Variants in FMNL2 observed in about 807,000 individuals in gnomAD.
FMNL2 encodes the protein formin like 2.
FMNL2 carries 51 observed loss-of-function variants against 130.2 expected under a neutral mutation model. The observed-to-expected ratio is 0.39, with a 90% CI of 0.31 to 0.49. The LOEUF (loss-of-function observed/expected upper bound fraction) is 0.49. FMNL2 is among the 20% of genes least tolerant of loss of function. The pLI, the probability that FMNL2 is intolerant of heterozygous loss-of-function variation, is 0.85. For synonymous variants in FMNL2, 465 were observed against 467.1 expected (o/e 1.00, Z 0.06); for missense variants, 977 against 1,316.2 (o/e 0.74, Z 3.99).
chr2:152,370,403 A>G (rs1683809432), intron 1 of FMNL2, among the ~76,000 whole-genome samples: 1 of 152,190 alleles, frequency 6.6e-6, no homozygotes, highest in African/African-American at 2.4e-5. Context: ...TTTTAATACC[A>G]TCAAGTTGGG....
intron 9 of FMNL2, among the ~76,000 whole-genome samples, chr2:152,591,024 T>G (rs57161775): frequency 0.42 from 39,386 of 94,620 alleles, 8,909 homozygotes; most frequent in Non-Finnish European, 0.5. Context: ...TTTTTTTTTT[T>G]GAGACAGCAT....
chr2:152,389,921 T>C, intron 1 of FMNL2: 1 of 1,049,636 alleles, frequency 9.5e-7, no homozygotes, highest in Non-Finnish European at 1.5e-6. Context: ...GTGGAGCGGG[T>C]GGCCGGGCTG....
rs1553482701 is a variant in FMNL2, at chr2:152,589,987, A to ATGTATATGTATATGTATATG, written c.876+8939_876+8940insGTATATGTATATGTATATGT. The stretch of plus-strand genomic sequence containing the variant: ...TATATATATATATATATATATATGT[A>ATGTATATGTATATGTATATG]TATGTATATGTATATATATATACAT... On this transcript the variant is annotated intron_variant, in intron 9 of 25. Coordinates refer to ENST00000288670, the MANE Select transcript of FMNL2 (RefSeq NM_052905.4). Among the ~76,000 whole-genome samples the ATGTATATGTATATGTATATG allele has an allele frequency of 5.1e-3, 282 of 55,072 alleles. 4 individuals carry two copies. The highest frequency in any genetic ancestry group is 7.6e-3 in the East Asian group (11 of 1,450). The allele number at this position is 55,072 out of a possible 152,430, so 36.1% of individuals were successfully genotyped here.
At chr2:152,485,308 T>C (rs981623681) in intron 1 of FMNL2, among the ~76,000 whole-genome samples, 1 of 152,126 alleles carries the variant, frequency 6.6e-6, no homozygotes, top group African/African-American at 2.4e-5. Context: ...CTGGCCAACA[T>C]GATGAAACCC....
chr2:152,629,322 G>A (rs1682009993), intron 18 of FMNL2, among the ~76,000 whole-genome samples: 1 of 152,210 alleles, frequency 6.6e-6, no homozygotes, highest in Non-Finnish European at 1.5e-5. Flanking sequence ...ATTAGAGGTG[G>A]TAGGCAGGAA....
chr2:152,534,757 T>C (rs2105459735), intron 2 of FMNL2, among the ~76,000 whole-genome samples: 1 of 152,138 alleles, frequency 6.6e-6, no homozygotes, highest in African/African-American at 2.4e-5. Context: ...TATTAGAAAA[T>C]GAGTTATAGG....
At chr2:152,559,427 C>T (rs1695405019) in intron 5 of FMNL2, among the ~76,000 whole-genome samples, 2 of 152,144 alleles carry the variant, frequency 1.3e-5, no homozygotes, top group African/African-American at 2.4e-5. Flanking sequence ...CCTCAGCCTC[C>T]TGAGAAGCTG....
intron 1 of FMNL2, among the ~76,000 whole-genome samples, chr2:152,439,598 A>G (rs938051213): frequency 4.6e-5 from 7 of 151,992 alleles, no homozygotes; most frequent in African/African-American, 1.4e-4. Context: ...TCTATCTTGC[A>G]GATTGTTCTT....
intron 1 of FMNL2, among the ~76,000 whole-genome samples, chr2:152,481,570 T>G (rs1265526553): frequency 2.0e-5 from 3 of 152,194 alleles, no homozygotes; most frequent in African/African-American, 7.2e-5. Context: ...GCACTGGTAG[T>G]TTTTTAAAGC....
At chr2:152,412,693 A>G (rs932942640) in intron 1 of FMNL2, among the ~76,000 whole-genome samples, 2 of 151,508 alleles carry the variant, frequency 1.3e-5, no homozygotes, top group Admixed American at 1.3e-4. Context: ...CTGTACTCCC[A>G]GCTACTTGGG....
At chr2:152,388,116 C>T (rs538008623) in intron 1 of FMNL2, among the ~76,000 whole-genome samples, 4 of 152,124 alleles carry the variant, frequency 2.6e-5, no homozygotes, top group Non-Finnish European at 4.4e-5. Context: ...TTTGTACTTC[C>T]GGGTAATGTA....
intron 1 of FMNL2, among the ~76,000 whole-genome samples, chr2:152,456,565 T>C (rs548264288): frequency 2.6e-5 from 4 of 152,350 alleles, no homozygotes; most frequent in Admixed American, 2.0e-4. Flanking sequence ...AAGAATGTGA[T>C]GTGCTGCTTG....
chr2:152,644,335 T>C (rs1310366156), intron 25 of FMNL2, among the ~76,000 whole-genome samples: 3 of 152,214 alleles, frequency 2.0e-5, no homozygotes, highest in Non-Finnish European at 2.9e-5. Context: ...TCACCTGCCA[T>C]ATGAAAGTGC....
intron 25 of FMNL2, 33 bp downstream of exon 25, chr2:152,640,947 G>T: frequency 6.2e-7 from 1 of 1,611,720 alleles, no homozygotes; most frequent in Non-Finnish European, 8.5e-7. Flanking sequence ...GGCCCATGGA[G>T]ATCCCACTGG....
At chr2:152,521,324 G>A (rs1024877357) in intron 1 of FMNL2, among the ~76,000 whole-genome samples, 27 of 152,234 alleles carry the variant, frequency 1.8e-4, no homozygotes, top group African/African-American at 6.3e-4. Context: ...CATCTCTTTT[G>A]CCTCATGATT....
intron 9 of FMNL2, among the ~76,000 whole-genome samples, chr2:152,598,475 G>C (rs1053209016): frequency 1.1e-4 from 17 of 152,242 alleles, no homozygotes; most frequent in African/African-American, 4.1e-4. Flanking sequence ...GATCACTTGA[G>C]GCCAGGAGTT....
At chr2:152,415,055 C>T (rs1378286003) in intron 1 of FMNL2, among the ~76,000 whole-genome samples, 2 of 152,084 alleles carry the variant, frequency 1.3e-5, no homozygotes, top group African/African-American at 4.8e-5. Context: ...TCCACAGATT[C>T]AGCTGTGCTG....
Position 152,632,015 on chromosome 2 carries a change from A to T in FMNL2, c.2558A>T (p.Asp853Val). The T allele has an allele frequency of 6.2e-7, 1 of 1,611,188 alleles. No homozygotes were observed. The highest frequency in any genetic ancestry group is 1.1e-5 in the South Asian group (1 of 90,236). ...GTTCCCTTTTGTTTTCAGCTCTTAG[A>T]TACAAAGTCAACAGACAGAAAGCAA... is the stretch of plus-strand genomic sequence containing the variant. ...FKLQSLDLLL[D>V]TKSTDRKQTL... is the part of the protein sequence containing the mutation. The change falls in exon 21 of 26, where the codon GAT becomes GTT. Residue 853 changes from aspartate to valine, a missense_variant. By Grantham distance (152) the Asp-to-Val change is radical. Coordinates refer to ENST00000288670, the MANE Select transcript of FMNL2 (RefSeq NM_052905.4).
intron 2 of FMNL2, among the ~76,000 whole-genome samples, chr2:152,535,093 A>G (rs1693925722): frequency 6.6e-6 from 1 of 152,208 alleles, no homozygotes; most frequent in South Asian, 2.1e-4. Flanking sequence ...CGTTTTCACT[A>G]TTCAAGACTC....
Sources: allele counts gnomAD v4.1 joint callset (sites outside exome capture counted in the v4.1 genomes callset), GRCh38; gene constraint gnomAD v4.1.1; transcripts MANE v1.5; gene names NCBI Gene and HGNC (gene_info 2026-07-23, HGNC 2026-07-21).